RPS6KA3: variants seen among roughly 807,000 people sequenced by gnomAD.
The protein encoded by RPS6KA3 is ribosomal protein S6 kinase A3, also known as ribosomal protein S6 kinase alpha-3.
In RPS6KA3, 4 loss-of-function variants were observed where a neutral mutation model predicts 67.2. That is an observed-to-expected ratio of 0.06 (90% CI 0.03 to 0.14). The LOEUF is 0.14. Ranked by LOEUF, RPS6KA3 falls within the 10% of genes least tolerant of loss-of-function variation. The probability of loss-of-function intolerance (pLI) is 1.00; values close to 1 mark genes in which losing one functional copy is unlikely to be tolerated. For missense variants in RPS6KA3, 204 were observed against 559.0 expected, an observed-to-expected ratio of 0.36 and a Z score of 6.40; for synonymous variants, 182 against 183.7, an observed-to-expected ratio of 0.99 and a Z score of 0.07.
chrX:20,225,236 TTTTTTTGTTTTTTTTTTTG>T (rs1220607584), intron 2 of RPS6KA3, among the ~76,000 whole-genome samples: 4 of 92,508 alleles, frequency 4.3e-5, no homozygotes, highest in Non-Finnish European at 8.5e-5. Flanking sequence ...GGAGGTTTTT[TTTTTTTGTTTTTTTTTTTG>T]TTTTTTTTTT....
At chrX:20,252,586 T>C (rs111425928) in intron 1 of RPS6KA3, among the ~76,000 whole-genome samples, 2,650 of 110,387 alleles carry the variant, frequency 0.024, 80 homozygotes, top group African/African-American at 0.078. Context: ...CCAATGAAAG[T>C]AGGGCACCAA....
intron 3 of RPS6KA3, among the ~76,000 whole-genome samples, chrX:20,204,984 A>G (rs1379844498): frequency 8.9e-6 from 1 of 112,159 alleles, no homozygotes; most frequent in African/African-American, 3.2e-5. Context: ...GTGCACAAAT[A>G]TTTAATGTGA....
intron 1 of RPS6KA3, among the ~76,000 whole-genome samples, chrX:20,254,354 C>T (rs2069974848): frequency 8.9e-6 from 1 of 111,920 alleles, no homozygotes; most frequent in African/African-American, 3.2e-5. Flanking sequence ...ATCACTGCCC[C>T]AATCTTTGTT....
At chrX:20,229,988 T>G (rs931352222) in intron 2 of RPS6KA3, among the ~76,000 whole-genome samples, 3 of 112,162 alleles carry the variant, frequency 2.7e-5, no homozygotes, top group African/African-American at 9.7e-5. Flanking sequence ...GAATAAAAAA[T>G]TTGGAGGTTT....
chrX:20,255,594 C>G (rs913752630), intron 1 of RPS6KA3, among the ~76,000 whole-genome samples: 1 of 109,880 alleles, frequency 9.1e-6, no homozygotes, highest in Non-Finnish European at 1.9e-5. Context: ...CGAGACCAAC[C>G]TGGCCAACAT....
At chrX:20,178,292 T>C (rs1049952627) in intron 10 of RPS6KA3, among the ~76,000 whole-genome samples, 2 of 111,518 alleles carry the variant, frequency 1.8e-5, no homozygotes, top group African/African-American at 6.5e-5. Context: ...GCTAACAATT[T>C]ATTCATTTGG....
chrX:20,236,317 C>T (rs1281851604), intron 1 of RPS6KA3, among the ~76,000 whole-genome samples: 1 of 111,794 alleles, frequency 8.9e-6, no homozygotes, highest in Non-Finnish European at 1.9e-5. Context: ...GAACACGTAG[C>T]TTCTTCTCTC....
intron 19 of RPS6KA3, among the ~76,000 whole-genome samples, chrX:20,162,539 TAA>T (rs770465823): frequency 1.0e-5 from 1 of 95,948 alleles, no homozygotes. Flanking sequence ...ACATCTGAAT[TAA>T]AAAAAAAAAA....
intron 11 of RPS6KA3, among the ~76,000 whole-genome samples, chrX:20,176,732 C>T (rs1456767593): frequency 9.0e-6 from 1 of 110,734 alleles, no homozygotes; most frequent in Non-Finnish European, 1.9e-5. Context: ...GCTGGGACTA[C>T]AGGCACGCAC....
intron 17 of RPS6KA3, among the ~76,000 whole-genome samples, chrX:20,167,295 C>A (rs1432949691): frequency 1.8e-5 from 2 of 111,528 alleles, no homozygotes; most frequent in Non-Finnish European, 3.8e-5. Flanking sequence ...CTGAAGTGGG[C>A]CTGGTTTTCA....
At chrX:20,164,285 G>A (rs145226002) in intron 18 of RPS6KA3, among the ~76,000 whole-genome samples, 1,489 of 111,195 alleles carry the variant, frequency 0.013, 24 homozygotes, top group African/African-American at 0.045. Flanking sequence ...ATAAGTAAGA[G>A]AGCAGAGCAG....
chrX:20,160,540 C>T (rs769763086), intron 20 of RPS6KA3, among the ~76,000 whole-genome samples: 8 of 111,209 alleles, frequency 7.2e-5, no homozygotes, highest in African/African-American at 2.6e-4. Context: ...AATTTTCCTG[C>T]CTCAGCCTCC....
intron 7 of RPS6KA3, among the ~76,000 whole-genome samples, chrX:20,193,075 C>G (rs1021299996): frequency 1.8e-5 from 2 of 111,077 alleles, no homozygotes; most frequent in Non-Finnish European, 3.8e-5. Context: ...GTCAGGAGTT[C>G]GAGACCAGCC....
intron 14 of RPS6KA3, among the ~76,000 whole-genome samples, chrX:20,174,172 A>G (rs1244820451): frequency 9.0e-6 from 1 of 110,948 alleles, no homozygotes; most frequent in Non-Finnish European, 1.9e-5. Context: ...TTCACAGAGA[A>G]AGTCTGCCGA....
At chrX:20,172,485 T>C (rs1603421390) in intron 15 of RPS6KA3, among the ~76,000 whole-genome samples, 1 of 111,447 alleles carries the variant, frequency 9.0e-6, no homozygotes, top group African/African-American at 3.3e-5. Flanking sequence ...AAAAAGATAC[T>C]TTAAAAATCA....
intron 7 of RPS6KA3, among the ~76,000 whole-genome samples, chrX:20,189,085 T>A (rs1312239091): frequency 8.9e-6 from 1 of 112,145 alleles, no homozygotes; most frequent in Admixed American, 9.4e-5. Flanking sequence ...CCCAGCTCTC[T>A]TGGTCATTTT....
chrX:20,232,794 A>G (rs2069306173), intron 2 of RPS6KA3, among the ~76,000 whole-genome samples: 1 of 111,833 alleles, frequency 8.9e-6, no homozygotes, highest in South Asian at 3.7e-4. Flanking sequence ...AATGCCAATA[A>G]TGATGGATAC....
rs898879743 is a variant in RPS6KA3 at position 20,241,057 on chromosome X, C to G, written c.70-6243G>C. ...ATCAGTTTATTTCTAGTTAAGGTGC[C>G]CTTATGCCTGCTTTACTATTCCTCT... On this transcript the variant is annotated intron_variant, in intron 1 of 21. Transcript: ENST00000379565. Among the ~76,000 whole-genome samples the G allele has an allele frequency of 2.7e-5, 3 of 110,554 alleles. No homozygotes were observed. In the South Asian group the frequency reaches 1.1e-3, roughly 42 times the overall value.
At chrX:20,266,390 A>G (rs1301440359) in intron 1 of RPS6KA3, among the ~76,000 whole-genome samples, 174 bp downstream of exon 1, 4 of 111,627 alleles carry the variant, frequency 3.6e-5, no homozygotes, top group Non-Finnish European at 5.7e-5. Flanking sequence ...GGATGGAAGG[A>G]ACAGACAGAC....
Sources: allele counts gnomAD v4.1 joint callset (sites outside exome capture counted in the v4.1 genomes callset), GRCh38; gene constraint gnomAD v4.1.1; transcripts MANE v1.5; gene names NCBI Gene and HGNC (gene_info 2026-07-23, HGNC 2026-07-21).